ANO4: variants seen among roughly 807,000 people sequenced by gnomAD.
ANO4 encodes the protein anoctamin-4.
Under a neutral mutation model 141.9 loss-of-function variants are expected in ANO4, and 69 were observed. The observed-to-expected ratio is 0.49, with a 90% CI of 0.40 to 0.59. The LOEUF is 0.59. Ranked by LOEUF, ANO4 falls within the 20% of genes least tolerant of loss-of-function variation. The pLI, the probability that ANO4 is intolerant of heterozygous loss-of-function variation, is 0.00. For synonymous variants in ANO4, 350 were observed against 394.3 expected (o/e 0.89, Z 1.33); for missense variants, 894 against 1,162.2 (o/e 0.77, Z 3.36).
At chr12:100,853,067 C>CAT (rs1269091410) in intron 1 of ANO4, among the ~76,000 whole-genome samples, 1 of 152,150 alleles carries the variant, frequency 6.6e-6, no homozygotes, top group Non-Finnish European at 1.5e-5. Flanking sequence ...GACCTTTGTA[C>CAT]AACTTTCTAA....
chr12:101,088,970 T>C (rs2049627170), intron 17 of ANO4, among the ~76,000 whole-genome samples: 1 of 152,146 alleles, frequency 6.6e-6, no homozygotes, highest in African/African-American at 2.4e-5. Flanking sequence ...CCAAGGACAG[T>C]TGTTAGGCAT....
At chr12:100,839,172 G>A (rs985493096) in intron 1 of ANO4, among the ~76,000 whole-genome samples, 4 of 152,084 alleles carry the variant, frequency 2.6e-5, no homozygotes, top group African/African-American at 7.3e-5. Flanking sequence ...TGCTGGCCAG[G>A]CCGTAATTGT....
chr12:101,000,375 C>T (rs765956577), intron 8 of ANO4, among the ~76,000 whole-genome samples: 4 of 152,300 alleles, frequency 2.6e-5, no homozygotes, highest in African/African-American at 7.2e-5. Flanking sequence ...GCATAGATAT[C>T]GGAAGATAGT....
At chr12:100,856,877 G>A (rs1290171329) in intron 1 of ANO4, among the ~76,000 whole-genome samples, 1 of 152,108 alleles carries the variant, frequency 6.6e-6, no homozygotes, top group Non-Finnish European at 1.5e-5. Context: ...TAGGGCTGCT[G>A]AGGATCTTAA....
chr12:100,827,237 C>G (rs2036397844), intron 1 of ANO4, among the ~76,000 whole-genome samples: 1 of 152,040 alleles, frequency 6.6e-6, no homozygotes, highest in Non-Finnish European at 1.5e-5. Flanking sequence ...TTTGATGATC[C>G]TTGAACACAC....
At chr12:101,066,982 G>C in intron 14 of ANO4, 55 of 266,902 alleles carry the variant, frequency 2.1e-4, no homozygotes, top group Admixed American at 2.5e-4. Flanking sequence ...ATGTACCCTA[G>C]AACTTAAAGT....
At chr12:100,746,696 C>T (rs1200895432) in intron 3 of ANO4, among the ~76,000 whole-genome samples, 1 of 152,074 alleles carries the variant, frequency 6.6e-6, no homozygotes, top group Non-Finnish European at 1.5e-5. Context: ...AAGACGTGGT[C>T]CCTAACTCAT....
intron 1 of ANO4, among the ~76,000 whole-genome samples, chr12:100,724,651 C>T (rs2031025391): frequency 6.6e-6 from 1 of 152,154 alleles, no homozygotes; most frequent in Non-Finnish European, 1.5e-5. Context: ...TTTTCAGCAC[C>T]TTAGGGAGAG....
At chr12:100,753,766 C>T (rs989530084) in intron 3 of ANO4, among the ~76,000 whole-genome samples, 20 of 152,136 alleles carry the variant, frequency 1.3e-4, no homozygotes, top group South Asian at 8.3e-4. Context: ...GATTTTAATG[C>T]GTAAAGCTAT....
rs913289699 is a variant in ANO4 at position 100,901,939 on chromosome 12, A to G, written c.55+99A>G. On this transcript the variant is annotated intron_variant, in intron 2 of 27. Transcript: ENST00000392977. ...GTGTAAATATGCCATACTTTCAGCTAAGCTTGCTTTTGTTAGGAGTCTTGT... is the reference window on the plus strand; with the variant it reads ...GTGTAAATATGCCATACTTTCAGCTGAGCTTGCTTTTGTTAGGAGTCTTGT... The G allele has an allele frequency of 1.5e-5, 18 of 1,224,678 alleles. No individual in the cohort carries two copies. The Admixed American group carries it at 4.6e-4, about 31-fold the overall frequency. 75.9% of individuals were successfully genotyped at this position (1,224,678 alleles called of 1,614,324 possible).
intron 5 of ANO4, among the ~76,000 whole-genome samples, chr12:100,948,234 A>G (rs1242439786): frequency 6.6e-6 from 1 of 151,876 alleles, no homozygotes; most frequent in Non-Finnish European, 1.5e-5. Context: ...AGGTAAAGGA[A>G]CAAGGAAAAT....
Position 100,885,932 on chromosome 12 carries a change from A to G in ANO4, c.-140-15714A>G, listed in dbSNP as rs371488498. Reference sequence around the variant, plus strand: ...TTTGTTTGGATGTCCCAGGGGAGCCACAAAGCTGAACTTAACATCTTGCCT... The same window carrying G: ...TTTGTTTGGATGTCCCAGGGGAGCCGCAAAGCTGAACTTAACATCTTGCCT... On this transcript the variant is annotated intron_variant, in intron 1 of 27. Coordinates refer to ENST00000392977, the MANE Select transcript of ANO4 (RefSeq NM_001286615.2). Among the ~76,000 whole-genome samples, 82 of 152,326 alleles carry G rather than the reference A, an allele frequency of 5.4e-4. 1 individual carries two copies. Among genetic ancestry groups the G allele is most frequent in the African/African-American group, 1.9e-3 (80 of 41,574 alleles).
At chr12:100,749,451 T>A (rs1334079673) in intron 3 of ANO4, among the ~76,000 whole-genome samples, 1 of 152,266 alleles carries the variant, frequency 6.6e-6, no homozygotes, top group Non-Finnish European at 1.5e-5. Context: ...TCAAATTTCC[T>A]ATTTTCCTAA....
chr12:100,835,993 C>G (rs1237878424), intron 1 of ANO4, among the ~76,000 whole-genome samples: 1 of 152,088 alleles, frequency 6.6e-6, no homozygotes, highest in East Asian at 1.9e-4. Context: ...GACAGCAGGA[C>G]CAGTGCCTGA....
intron 1 of ANO4, among the ~76,000 whole-genome samples, chr12:100,805,525 C>T (rs1464752353): frequency 3.9e-5 from 6 of 151,972 alleles, no homozygotes; most frequent in South Asian, 2.1e-4. Flanking sequence ...GTATTGAATC[C>T]GTAAATTACT....
intron 26 of ANO4, among the ~76,000 whole-genome samples, chr12:101,121,092 A>G (rs1415575679): frequency 6.6e-6 from 1 of 152,100 alleles, no homozygotes; most frequent in Non-Finnish European, 1.5e-5. Context: ...TTTATTTTAG[A>G]TACAGTGGGT....
At chr12:100,765,456 G>T (rs557047455) in intron 3 of ANO4, among the ~76,000 whole-genome samples, 3 of 143,572 alleles carry the variant, frequency 2.1e-5, no homozygotes, top group African/African-American at 7.8e-5. Context: ...AGTAGCTCAT[G>T]CAGCCTCAGC....
chr12:101,066,610 T>C (rs2048599160), intron 14 of ANO4: 2 of 511,016 alleles, frequency 3.9e-6, no homozygotes, highest in Non-Finnish European at 7.0e-6. Flanking sequence ...GAAGAGGCTT[T>C]TTCTAGAGAT....
At chr12:101,108,188 G>A (rs1040506000) in intron 22 of ANO4, among the ~76,000 whole-genome samples, 2 of 152,016 alleles carry the variant, frequency 1.3e-5, no homozygotes, top group African/African-American at 4.8e-5. Context: ...AGGAGTAGAT[G>A]GACTTACCAA....
Sources: gnomAD v4.1 joint callset for allele counts (sites outside exome capture counted in the v4.1 genomes callset) on GRCh38, gnomAD v4.1.1 for gene constraint, MANE v1.5 for transcripts, NCBI Gene and HGNC (gene_info 2026-07-23, HGNC 2026-07-21) for gene names.